Variants in GRM1 observed in about 807,000 individuals in gnomAD.
The protein encoded by GRM1 is metabotropic glutamate receptor 1.
Under a neutral mutation model 90.9 loss-of-function variants are expected in GRM1, and 33 were observed. The ratio of observed to expected loss-of-function variants is 0.36; its 90% CI spans 0.28 to 0.49. GRM1 has a LOEUF of 0.49. Ranked by LOEUF, GRM1 falls within the 20% of genes least tolerant of loss-of-function variation. GRM1 has a pLI of 0.99. For synonymous variants in GRM1, 700 were observed against 613.2 expected, an observed-to-expected ratio of 1.14 and a Z score of -2.09; for missense variants, 1,190 against 1,534.3, an observed-to-expected ratio of 0.78 and a Z score of 3.75.
intron 1 of GRM1, among the ~76,000 whole-genome samples, chr6:146,102,302 TAAG>T (rs746758463): frequency 2.0e-5 from 3 of 152,210 alleles, no homozygotes; most frequent in Non-Finnish European, 4.4e-5. Context: ...TCATTATATC[TAAG>T]ACCTAGCATG....
chr6:146,155,472 G>A lies in GRM1; in HGVS notation c.701-3876G>A, dbSNP rs996542419. 5.3e-5 allele frequency among the ~76,000 whole-genome samples: 8 copies of A among 152,210 alleles called. No homozygotes were observed. In the South Asian group the frequency reaches 6.2e-4, roughly 12 times the overall value. Reference sequence around the variant, plus strand: ...ATAATGTTTGTACAATGACAAAATCGCCTAACAACACATTTCTCGGAACAT... The same window carrying A: ...ATAATGTTTGTACAATGACAAAATCACCTAACAACACATTTCTCGGAACAT... On this transcript the variant is annotated intron_variant, in intron 1 of 7. Transcript: ENST00000282753.
chr6:146,431,671 A>G (rs1778412609), intron 7 of GRM1, among the ~76,000 whole-genome samples: 1 of 152,208 alleles, frequency 6.6e-6, no homozygotes, highest in South Asian at 2.1e-4. Context: ...TTTCCTGGTG[A>G]ACATTAAAAA....
intron 5 of GRM1, 34 bp from the exon 6 acceptor site, chr6:146,386,856 T>C (rs757915530): frequency 6.4e-7 from 1 of 1,573,656 alleles, no homozygotes; most frequent in African/African-American, 1.3e-5. Flanking sequence ...CTGGGAAAAC[T>C]ATCTTTAAAA....
At chr6:146,293,983 G>A (rs1011192031) in intron 2 of GRM1, among the ~76,000 whole-genome samples, 1 of 148,884 alleles carries the variant, frequency 6.7e-6, no homozygotes, top group African/African-American at 2.5e-5. Context: ...TTGTTTTTTT[G>A]TGCCTTCTCT....
intron 2 of GRM1, among the ~76,000 whole-genome samples, chr6:146,290,342 TAAC>T (rs529311991): frequency 2.0e-3 from 304 of 152,268 alleles, no homozygotes; most frequent in African/African-American, 7.0e-3. Context: ...CAGAATTTCT[TAAC>T]AACGTAAAAA....
intron 2 of GRM1, among the ~76,000 whole-genome samples, chr6:146,241,196 G>C (rs1382926560): frequency 6.6e-6 from 1 of 152,104 alleles, no homozygotes; most frequent in East Asian, 1.9e-4. Context: ...TTCTTATGGA[G>C]GAAAGATACT....
chr6:146,360,523 G>A (rs1775428403), intron 5 of GRM1, among the ~76,000 whole-genome samples: 1 of 152,124 alleles, frequency 6.6e-6, no homozygotes, highest in Non-Finnish European at 1.5e-5. Flanking sequence ...GGGTACTGAG[G>A]CAACTCAAAG....
At chr6:146,205,143 T>C (rs866725931) in intron 2 of GRM1, among the ~76,000 whole-genome samples, 3 of 152,186 alleles carry the variant, frequency 2.0e-5, no homozygotes, top group Admixed American at 6.5e-5. Context: ...TGGGGTTCAA[T>C]TGAGGACATG....
chr6:146,148,455 A>G (rs1777195172), intron 1 of GRM1, among the ~76,000 whole-genome samples: 2 of 152,190 alleles, frequency 1.3e-5, no homozygotes, highest in South Asian at 4.1e-4. Context: ...ATTTAAAAAT[A>G]TGACATAAAT....
intron 7 of GRM1, among the ~76,000 whole-genome samples, chr6:146,401,829 T>C (rs961600047): frequency 2.6e-5 from 4 of 152,186 alleles, no homozygotes; most frequent in African/African-American, 4.8e-5. Context: ...CAGACAGATA[T>C]GGGCACCTGT....
chr6:146,214,123 C>T (rs981622016), intron 2 of GRM1, among the ~76,000 whole-genome samples: 4 of 152,070 alleles, frequency 2.6e-5, no homozygotes, highest in Non-Finnish European at 4.4e-5. Context: ...GGTGGATCTT[C>T]CCCCAGGCAG....
intron 2 of GRM1, among the ~76,000 whole-genome samples, chr6:146,215,748 T>A (rs1026476084): frequency 1.3e-5 from 2 of 150,604 alleles, no homozygotes; most frequent in Non-Finnish European, 1.5e-5. Context: ...ACCTATTGTG[T>A]ATCCACAAAC....
At chr6:146,132,287 G>C (rs1307576525) in intron 1 of GRM1, among the ~76,000 whole-genome samples, 2 of 151,818 alleles carry the variant, frequency 1.3e-5, no homozygotes, top group East Asian at 1.9e-4. Context: ...GGATGTGGTG[G>C]GGGGGGACCA....
intron 1 of GRM1, among the ~76,000 whole-genome samples, chr6:146,083,216 C>G (rs1007815317): frequency 2.6e-5 from 4 of 152,062 alleles, no homozygotes; most frequent in Non-Finnish European, 5.9e-5. Context: ...TATTTGAATA[C>G]CCTTTATTTC....
intron 2 of GRM1, among the ~76,000 whole-genome samples, chr6:146,182,605 T>G (rs1437165359): frequency 1.3e-5 from 2 of 152,212 alleles, no homozygotes; most frequent in African/African-American, 4.8e-5. Flanking sequence ...CTTAAAATGT[T>G]ATATTACCCA....
chr6:146,175,972 CAA>C (rs1225251797), intron 2 of GRM1, among the ~76,000 whole-genome samples: 2 of 151,952 alleles, frequency 1.3e-5, no homozygotes, highest in Non-Finnish European at 2.9e-5. Context: ...AAAAGAGAGA[CAA>C]AAATTCACTA....
At chr6:146,410,062 C>G (rs1349138520) in intron 7 of GRM1, among the ~76,000 whole-genome samples, 1 of 152,076 alleles carries the variant, frequency 6.6e-6, no homozygotes, top group African/African-American at 2.4e-5. Flanking sequence ...TCATATTTCT[C>G]ATATTATTTG....
intron 2 of GRM1, among the ~76,000 whole-genome samples, chr6:146,185,624 A>G (rs913225035): frequency 3.9e-5 from 6 of 152,192 alleles, no homozygotes; most frequent in Non-Finnish European, 1.5e-5. Context: ...GATTAGTGAC[A>G]TTCTCTTTCA....
intron 1 of GRM1, among the ~76,000 whole-genome samples, chr6:146,082,583 A>G (rs1334757637): frequency 2.0e-5 from 3 of 152,074 alleles, no homozygotes; most frequent in South Asian, 2.1e-4. Flanking sequence ...CCCATATCCA[A>G]TCAATCACCA....
Sources: gnomAD v4.1 joint callset for allele counts (sites outside exome capture counted in the v4.1 genomes callset) on GRCh38, gnomAD v4.1.1 for gene constraint, MANE v1.5 for transcripts, NCBI Gene and HGNC (gene_info 2026-07-23, HGNC 2026-07-21) for gene names.